GLCCI1: variants seen among roughly 807,000 people sequenced by gnomAD.
The protein encoded by GLCCI1 is glucocorticoid-induced transcript 1 protein.
Under a neutral mutation model 52.2 loss-of-function variants are expected in GLCCI1, and 24 were observed. That is an observed-to-expected ratio of 0.46 (90% CI 0.33 to 0.65). The LOEUF (loss-of-function observed/expected upper bound fraction) is 0.65. Ranked by LOEUF, GLCCI1 falls within the 30% of genes least tolerant of loss-of-function variation. The probability of loss-of-function intolerance (pLI) is 0.02; values close to 1 mark genes in which losing one functional copy is unlikely to be tolerated. For missense variants in GLCCI1, 704 were observed against 701.5 expected (o/e 1.00, Z -0.04); for synonymous variants, 310 against 276.5 (o/e 1.12, Z -1.20).
intron 1 of GLCCI1, among the ~76,000 whole-genome samples, chr7:7,993,356 C>A (rs147789848): frequency 3.9e-4 from 59 of 152,296 alleles, no homozygotes; most frequent in Non-Finnish European, 6.6e-4. Context: ...CTTCTCTTTT[C>A]TTTGCTTCTG....
chr7:8,040,553 CA>C (rs1781975536), intron 3 of GLCCI1, among the ~76,000 whole-genome samples: 1 of 151,872 alleles, frequency 6.6e-6, no homozygotes, highest in African/African-American at 2.4e-5. Flanking sequence ...CACACACACA[CA>C]CACACACCAA....
intron 1 of GLCCI1, among the ~76,000 whole-genome samples, chr7:7,975,849 A>T (rs1780455728): frequency 6.6e-6 from 1 of 152,186 alleles, no homozygotes; most frequent in Non-Finnish European, 1.5e-5. Flanking sequence ...TAGGAACATG[A>T]TTGTATCTGG....
In GLCCI1 at chr7:7,969,247, C is replaced by G; in HGVS notation, c.-104C>G. ...CACAGCGATACCCCCGCCCCTCCCCCTTACACACTCGCACGCACTATCGCG... is the reference window on the plus strand; with the variant it reads ...CACAGCGATACCCCCGCCCCTCCCCGTTACACACTCGCACGCACTATCGCG... On this transcript the variant is annotated 5_prime_UTR_variant, in exon 1 of 8. Transcript: ENST00000223145. This position sits in a 1 kb window ranked among gnomAD's most constrained non-coding sequence, Gnocchi z 4.9. The G allele has an allele frequency of 2.6e-6, 3 of 1,159,144 alleles. No individual in the cohort carries two copies. The highest frequency in any genetic ancestry group is 3.3e-6 in the Non-Finnish European group (3 of 922,178). The allele number at this position is 1,159,144 out of a possible 1,614,324, so 71.8% of individuals were successfully genotyped here. A position where few individuals can be genotyped will look rare whatever the true frequency, so the allele number is the denominator to read the frequency against.
rs1349028639 is a variant in GLCCI1 at position 8,084,952 on chromosome 7, C to T, written c.1233C>T (p.Asn411=). ...PKYASSPKPN[N]SYMFKREPPE... ...ATGCTTCATCTCCCAAACCAAACAACAGCTACATGTTCAAACGGGAGCCCC... is the reference window on the plus strand; with the variant it reads ...ATGCTTCATCTCCCAAACCAAACAATAGCTACATGTTCAAACGGGAGCCCC... Residue 411 remains asparagine, a synonymous_variant, in exon 7 of 8, where the codon AAC becomes AAT. Coordinates refer to ENST00000223145, the MANE Select transcript of GLCCI1 (RefSeq NM_138426.4). 5.0e-6 allele frequency: 8 copies of T among 1,614,126 alleles called. No homozygotes were observed. In the South Asian group the frequency reaches 8.8e-5, roughly 18 times the overall value.
intron 6 of GLCCI1, 136 bp downstream of exon 6, chr7:8,071,267 T>C: frequency 2.8e-6 from 2 of 701,926 alleles, no homozygotes; most frequent in Non-Finnish European, 4.7e-6. Flanking sequence ...TAGGTTTCTT[T>C]GTTCATTGGT....
intron 6 of GLCCI1, among the ~76,000 whole-genome samples, chr7:8,077,082 T>C (rs1239547070): frequency 2.6e-5 from 4 of 152,170 alleles, no homozygotes; most frequent in Non-Finnish European, 1.5e-5. Flanking sequence ...GCTGTAGAAA[T>C]AAGGGGAAAG....
chr7:8,085,914 C>T (rs570335956), intron 7 of GLCCI1, among the ~76,000 whole-genome samples: 2 of 152,280 alleles, frequency 1.3e-5, no homozygotes, highest in African/African-American at 2.4e-5. Flanking sequence ...AAGACTTTTC[C>T]ACCTTCCTAA....
Position 8,086,168 on chromosome 7 carries a change from A to G in GLCCI1, c.1299-25A>G, listed in dbSNP as rs1265143678. On this transcript the variant is annotated intron_variant, in intron 7 of 7. Coordinates refer to ENST00000223145, the MANE Select transcript of GLCCI1 (RefSeq NM_138426.4). This position sits in a 1 kb window ranked among gnomAD's most constrained non-coding sequence, Gnocchi z 4.4. ...ACTTTTTCTGTGTTCATGATTATAAATCTAATTTTGTTTTATGGTTTTAGG... is the reference window on the plus strand; with the variant it reads ...ACTTTTTCTGTGTTCATGATTATAAGTCTAATTTTGTTTTATGGTTTTAGG... The G allele has an allele frequency of 6.4e-7, 1 of 1,553,870 alleles. No individual in the cohort carries two copies. Among genetic ancestry groups the G allele is most frequent in the Non-Finnish European group, 8.7e-7 (1 of 1,147,384 alleles).
In GLCCI1 at chr7:8,088,240, T is replaced by TTGTGTGTG. The variant is rs58360790; in HGVS notation, c.*1726_*1733dup. 3,370 of 147,432 alleles carry TTGTGTGTG rather than the reference T, an allele frequency of 0.023. 91 individuals are homozygous for TTGTGTGTG. The highest frequency in any genetic ancestry group is 0.064 in the African/African-American group (2,530 of 39,830). 9.1% of individuals were successfully genotyped at this position (147,432 alleles called of 1,614,324 possible). On this transcript the variant is annotated 3_prime_UTR_variant, in exon 8 of 8. Transcript: ENST00000223145. ...AGAAATGATATATATATGTATATGT[T>TTGTGTGTG]TGTGTGTGTGTGTGTGTGTGTGTGT...
chr7:7,995,478 C>G (rs1583955710), intron 1 of GLCCI1, among the ~76,000 whole-genome samples: 1 of 152,156 alleles, frequency 6.6e-6, no homozygotes, highest in South Asian at 2.1e-4. Flanking sequence ...CCACTGCACT[C>G]TAGTCTGGGT....
intron 5 of GLCCI1, among the ~76,000 whole-genome samples, chr7:8,062,523 GT>G (rs1782541332): frequency 6.6e-6 from 1 of 152,186 alleles, no homozygotes; most frequent in East Asian, 1.9e-4. Flanking sequence ...TAGGTAAGTT[GT>G]ATGTCACTGG....
At chr7:8,085,743 T>G (rs372290881) in intron 7 of GLCCI1, among the ~76,000 whole-genome samples, 130 of 151,014 alleles carry the variant, frequency 8.6e-4, no homozygotes, top group African/African-American at 3.0e-3. Flanking sequence ...GAAACTCCCC[T>G]CCCCACTCCA....
intron 3 of GLCCI1, among the ~76,000 whole-genome samples, chr7:8,028,965 T>C (rs1020560277): frequency 2.2e-4 from 34 of 152,228 alleles, no homozygotes; most frequent in African/African-American, 7.9e-4. Flanking sequence ...CTAAAAAGTC[T>C]TCCAGTAAAG....
intron 1 of GLCCI1, among the ~76,000 whole-genome samples, chr7:7,976,310 C>T (rs576768115): frequency 6.6e-6 from 1 of 151,350 alleles, no homozygotes; most frequent in East Asian, 2.0e-4. Context: ...GAAACCCTGT[C>T]TCTACTAAAA....
At chr7:8,083,848 AATG>A (rs1183944668) in intron 6 of GLCCI1, among the ~76,000 whole-genome samples, 3 of 152,206 alleles carry the variant, frequency 2.0e-5, no homozygotes, top group Non-Finnish European at 2.9e-5. Flanking sequence ...TAACTTCATT[AATG>A]ATGATAAAAC....
intron 3 of GLCCI1, among the ~76,000 whole-genome samples, chr7:8,048,766 C>A (rs1229392985): frequency 6.6e-6 from 1 of 152,146 alleles, no homozygotes; most frequent in Non-Finnish European, 1.5e-5. Flanking sequence ...CAGCAAGTGT[C>A]AAGAACATCA....
chr7:8,082,543 A>C (rs1783017421), intron 6 of GLCCI1, among the ~76,000 whole-genome samples: 1 of 152,152 alleles, frequency 6.6e-6, no homozygotes, highest in Admixed American at 6.5e-5. Context: ...TAGTCTCAAA[A>C]TTTTTTTCTT....
At position 8,086,630 on chromosome 7, in the gene GLCCI1, A is replaced by G; in HGVS notation, c.*92A>G. Reference sequence around the variant, plus strand: ...AGTGACAAACTTTCTGAACACCACCACCACCAATAATACTTATCAGCATCA... The same window carrying G: ...AGTGACAAACTTTCTGAACACCACCGCCACCAATAATACTTATCAGCATCA... On this transcript the variant is annotated 3_prime_UTR_variant, in exon 8 of 8. Coordinates refer to ENST00000223145, the MANE Select transcript of GLCCI1 (RefSeq NM_138426.4). The surrounding 1 kb of genome is among the most constrained non-coding windows in gnomAD (Gnocchi z 4.4). The G allele has an allele frequency of 1.1e-6, 1 of 929,274 alleles. No individual in the cohort carries two copies. The highest frequency in any genetic ancestry group is 1.6e-6 in the Non-Finnish European group (1 of 606,968). The allele number at this position is 929,274 out of a possible 1,614,324, so 57.6% of individuals were successfully genotyped here.
chr7:7,984,623 T>G (rs1468200207), intron 1 of GLCCI1, among the ~76,000 whole-genome samples: 1 of 152,216 alleles, frequency 6.6e-6, no homozygotes, highest in East Asian at 1.9e-4. Flanking sequence ...AAAATGTTAT[T>G]TACGCAAACT....
Sources: allele counts gnomAD v4.1 joint callset (sites outside exome capture counted in the v4.1 genomes callset), GRCh38; gene constraint gnomAD v4.1.1; non-coding constraint Gnocchi (gnomAD v3.1); transcripts MANE v1.5; gene names NCBI Gene and HGNC (gene_info 2026-07-23, HGNC 2026-07-21).